MALRD1: variants seen among roughly 807,000 people sequenced by gnomAD.
MALRD1 encodes MAM and LDL-receptor class A domain-containing protein 1.
Under a neutral mutation model 242.1 loss-of-function variants are expected in MALRD1, and 247 were observed. The observed-to-expected ratio is 1.02, with a 90% confidence interval of 0.92 to 1.13. MALRD1 has a LOEUF of 1.13. Among genes scored for constraint, MALRD1 ranks in the 50% most tolerant of loss-of-function variants. MALRD1 has a pLI of 0.00. For missense variants in MALRD1, 2,989 were observed against 2,533.1 expected, an observed-to-expected ratio of 1.18 and a Z score of -3.86; for synonymous variants, 995 against 866.6, an observed-to-expected ratio of 1.15 and a Z score of -2.60.
intron 12 of MALRD1, among the ~76,000 whole-genome samples, chr10:19,163,030 GA>G (rs1354817497): frequency 6.8e-6 from 1 of 147,338 alleles, no homozygotes; most frequent in Non-Finnish European, 1.5e-5. Context: ...CCCAATTACT[GA>G]GAAGGCTGAG....
At chr10:19,698,268 A>G (rs1833464012) in intron 38 of MALRD1, among the ~76,000 whole-genome samples, 1 of 152,218 alleles carries the variant, frequency 6.6e-6, no homozygotes, top group African/African-American at 2.4e-5. Flanking sequence ...TACCAAACAC[A>G]TCAGAACTCT....
Position 19,491,622 on chromosome 10 carries a change from A to G in MALRD1, c.5135A>G (p.Asp1712Gly), listed in dbSNP as rs35934077. 0.013 allele frequency: 19,394 copies of G among 1,549,642 alleles called. 178 individuals carry two copies. Among genetic ancestry groups the G allele is most frequent in the Non-Finnish European group, 0.013 (15,372 of 1,146,670 alleles). The stretch of plus-strand genomic sequence containing the variant: ...TGTGACTATAAGCCAGACTGCTCTG[A>G]TAGGTCTGATGAAGCTCACTGTGGT... Reference protein sequence around the residue: ...LLCDYKPDCSDRSDEAHCAHY... With the variant: ...LLCDYKPDCSGRSDEAHCAHY... Residue 1712 changes from aspartate to glycine, a missense_variant, in exon 30 of 40, where the codon GAT becomes GGT. Asp to Gly is a moderately conservative substitution (Grantham distance 94). Coordinates refer to ENST00000454679, the MANE Select transcript of MALRD1 (RefSeq NM_001142308.3).
chr10:19,283,132 A>G lies in MALRD1; in HGVS notation c.3370A>G (p.Ser1124Gly). ...TFRWGLGNGI[S>G]IHHGEENHRP... is the part of the protein sequence containing the mutation. ...CAGGTGGGGGCTTGGGAACGGGATCAGCATTCATCATGGGGAAGAAAACCA... is the reference window on the plus strand; with the variant it reads ...CAGGTGGGGGCTTGGGAACGGGATCGGCATTCATCATGGGGAAGAAAACCA... The change falls in exon 21 of 40, where the codon AGC becomes GGC. Residue 1124 changes from serine to glycine, a missense_variant. Ser to Gly is a moderately conservative substitution (Grantham distance 56). Transcript: ENST00000454679. 1 of 1,549,662 alleles carries G rather than the reference A, an allele frequency of 6.5e-7. No individual in the cohort carries two copies.
At chr10:19,464,948 A>ATT (rs60320410) in intron 29 of MALRD1, among the ~76,000 whole-genome samples, 7 of 133,808 alleles carry the variant, frequency 5.2e-5, no homozygotes, top group Middle Eastern at 3.7e-3. Context: ...TATAATTCCA[A>ATT]TTTTTTTTTT....
intron 1 of MALRD1, among the ~76,000 whole-genome samples, chr10:19,051,167 G>A (rs11008298): frequency 0.36 from 55,199 of 151,846 alleles, 10,193 homozygotes; most frequent in South Asian, 0.46. Context: ...ATATCACACT[G>A]GAAGAAACTA....
At chr10:19,065,279 C>A (rs1171835039) in intron 1 of MALRD1, among the ~76,000 whole-genome samples, 3 of 67,840 alleles carry the variant, frequency 4.4e-5, no homozygotes, top group Admixed American at 4.4e-4. Flanking sequence ...AAGAGCAAAA[C>A]GCTGTCTCAA....
chr10:19,178,295 T>G (rs1055038429), intron 14 of MALRD1, among the ~76,000 whole-genome samples: 1 of 152,202 alleles, frequency 6.6e-6, no homozygotes, highest in South Asian at 2.1e-4. Context: ...TTTCTTATTG[T>G]TTTTGCAAAT....
intron 38 of MALRD1, among the ~76,000 whole-genome samples, chr10:19,717,409 A>G (rs774165455): frequency 1.3e-5 from 2 of 152,212 alleles, no homozygotes; most frequent in Non-Finnish European, 2.9e-5. Context: ...GATGAAGAAG[A>G]CAGTGTATAA....
intron 36 of MALRD1, among the ~76,000 whole-genome samples, chr10:19,637,434 GATTA>G (rs1406575478): frequency 6.6e-6 from 1 of 152,130 alleles, no homozygotes; most frequent in East Asian, 1.9e-4. Flanking sequence ...AAATCAAGTT[GATTA>G]ATTGTCACCA....
At chr10:19,394,878 T>A (rs1846511529) in intron 28 of MALRD1, among the ~76,000 whole-genome samples, 2 of 152,202 alleles carry the variant, frequency 1.3e-5, no homozygotes. Flanking sequence ...TTAGGTTTAT[T>A]TTGATATTGA....
chr10:19,535,108 T>C (rs1834603704), intron 32 of MALRD1, among the ~76,000 whole-genome samples: 1 of 152,080 alleles, frequency 6.6e-6, no homozygotes, highest in African/African-American at 2.4e-5. Context: ...CTGGTCTTAA[T>C]CTCCTGACCT....
At chr10:19,232,387 A>G (rs958707453) in intron 18 of MALRD1, among the ~76,000 whole-genome samples, 1 of 151,308 alleles carries the variant, frequency 6.6e-6, no homozygotes, top group Non-Finnish European at 1.5e-5. Context: ...CATGTGGGCA[A>G]GGCCAGTCTC....
intron 24 of MALRD1, among the ~76,000 whole-genome samples, chr10:19,346,073 C>T (rs558758520): frequency 6.6e-6 from 1 of 152,194 alleles, no homozygotes; most frequent in South Asian, 2.1e-4. Context: ...GGGTGAAGCA[C>T]TCCACCCAGC....
intron 2 of MALRD1, among the ~76,000 whole-genome samples, chr10:19,074,660 C>G (rs1158881121): frequency 6.6e-6 from 1 of 151,986 alleles, no homozygotes; most frequent in East Asian, 1.9e-4. Context: ...AATAGTCAAG[C>G]TGTCAGATAT....
At chr10:19,583,869 T>G (rs939504492) in intron 33 of MALRD1, among the ~76,000 whole-genome samples, 3,310 of 152,244 alleles carry the variant, frequency 0.022, 132 homozygotes, top group African/African-American at 0.076. Context: ...TCTTTTTGGT[T>G]GGTAAGCTAT....
intron 36 of MALRD1, among the ~76,000 whole-genome samples, chr10:19,658,891 C>A (rs549665300): frequency 6.6e-6 from 1 of 152,170 alleles, no homozygotes; most frequent in Admixed American, 6.5e-5. Flanking sequence ...AGAAGAATGC[C>A]ATTAAAAACA....
chr10:19,549,084 C>T (rs1382455011), intron 32 of MALRD1, among the ~76,000 whole-genome samples: 1 of 152,270 alleles, frequency 6.6e-6, no homozygotes, highest in East Asian at 1.9e-4. Flanking sequence ...AAACCAGCTT[C>T]GACATTCCCT....
At chr10:19,374,659 A>G (rs1444044284) in intron 26 of MALRD1, among the ~76,000 whole-genome samples, 1 of 152,186 alleles carries the variant, frequency 6.6e-6, no homozygotes, top group Non-Finnish European at 1.5e-5. Context: ...GATTCAAGCA[A>G]CTCAGTGTCC....
rs891174725 is a variant in MALRD1, at chr10:19,450,454, G to A, written c.4993G>A (p.Ala1665Thr). 2.6e-6 allele frequency: 4 copies of A among 1,549,898 alleles called. No individual in the cohort carries two copies. Among genetic ancestry groups the A allele is most frequent in the South Asian group, 1.2e-5 (1 of 83,810 alleles). ...IRTRDLGGGA[A>T]IDDIEFKNCT... ...AACAAGGGACCTGGGAGGAGGAGCTGCAATTGATGATATTGAATTTAAAAA... is the reference window on the plus strand; with the variant it reads ...AACAAGGGACCTGGGAGGAGGAGCTACAATTGATGATATTGAATTTAAAAA... The change falls in exon 29 of 40, where the codon GCA becomes ACA. Residue 1665 changes from alanine to threonine, a missense_variant. Ala to Thr is a moderately conservative substitution (Grantham distance 58). Transcript: ENST00000454679.
Sources: allele counts gnomAD v4.1 joint callset (sites outside exome capture counted in the v4.1 genomes callset), GRCh38; gene constraint gnomAD v4.1.1; transcripts MANE v1.5; gene names NCBI Gene and HGNC (gene_info 2026-07-23, HGNC 2026-07-21).